The following CPN2 variants were observed in gnomAD, a reference collection of about 807,000 sequenced individuals.
The protein encoded by CPN2 is carboxypeptidase N 83 kDa chain.
For synonymous variants in CPN2, 336 were observed against 318.4 expected (o/e 1.06, Z -0.59); for missense variants, 620 against 671.4 (o/e 0.92, Z 0.85).
intron 1 of CPN2, 64 bp from the exon 2 acceptor site, chr3:194,342,769 G>T: frequency 1.3e-6 from 1 of 744,982 alleles, no homozygotes; most frequent in Non-Finnish European, 2.3e-6. Context: ...ATGGCACAGT[G>T]ACCAGGGCAC....
chr3:194,349,778 CTTTTTTTTTTTTTTTTTTTTTT>C (rs757478492), intron 1 of CPN2, among the ~76,000 whole-genome samples: 13 of 65,608 alleles, frequency 2.0e-4, no homozygotes, highest in South Asian at 1.6e-3. Context: ...CTACCCTCTT[CTTTTTTTTTTTTTTTTTTTTTT>C]TTTTTTTTTT....
rs1282956236 is a variant in CPN2 at position 194,342,138 on chromosome 3, A to T, written c.565T>A (p.Phe189Ile). 1 of 1,613,932 alleles carries T rather than the reference A, an allele frequency of 6.2e-7. No homozygotes were observed. The highest frequency in any genetic ancestry group is 1.3e-5 in the African/African-American group (1 of 74,896). ...GTCTGCAGGCTGGTGAGTGGGTGGA[A>T]CAGCTCCTCCGGGAGCTGGGCCAGG... Reference protein sequence around the residue: ...NLLAQLPEELFHPLTSLQTLK... With the variant: ...NLLAQLPEELIHPLTSLQTLK... Residue 189 changes from phenylalanine to isoleucine, a missense_variant, in exon 2 of 2, where the codon TTC becomes ATC. Coordinates refer to ENST00000323830, the MANE Select transcript of CPN2 (RefSeq NM_001080513.4).
At chr3:194,345,218 G>C (rs913184951) in intron 1 of CPN2, among the ~76,000 whole-genome samples, 1 of 143,362 alleles carries the variant, frequency 7.0e-6, no homozygotes, top group African/African-American at 2.7e-5. Flanking sequence ...GAGCAGTTTG[G>C]GAGGCAGAGC....
chr3:194,346,707 A>C (rs1306830131), intron 1 of CPN2, among the ~76,000 whole-genome samples: 1 of 152,162 alleles, frequency 6.6e-6, no homozygotes, highest in African/African-American at 2.4e-5. Context: ...GAATGAGAAA[A>C]CGCATGGAAA....
chr3:194,342,013 C>A lies in CPN2; in HGVS notation c.690G>T (p.Ser230=), dbSNP rs114433224. ...QELFLDSNNI[S]ELPPQVFSQL... is the part of the protein sequence containing the mutation. ...GGGAGAACACCTGAGGGGGCAGCTCCGAGATGTTGTTGCTGTCCAGGAAGA... is the reference window on the plus strand; with the variant it reads ...GGGAGAACACCTGAGGGGGCAGCTCAGAGATGTTGTTGCTGTCCAGGAAGA... Residue 230 remains serine, a synonymous_variant, in exon 2 of 2, where the codon TCG becomes TCT. Transcript: ENST00000323830. The A allele has an allele frequency of 2.5e-6, 4 of 1,614,174 alleles. No homozygotes were observed. Among genetic ancestry groups the A allele is most frequent in the Non-Finnish European group, 3.4e-6 (4 of 1,180,044 alleles).
At position 194,340,319 on chromosome 3, in the gene CPN2, T is replaced by TA. The variant is rs1325734936; in HGVS notation, c.*745dup. 6.6e-6 allele frequency: 1 copy of TA among 152,178 alleles called. No homozygotes were observed. The highest frequency in any genetic ancestry group is 1.5e-5 in the Non-Finnish European group (1 of 68,034). The allele number at this position is 152,178 out of a possible 1,614,324, so 9.4% of individuals were successfully genotyped here. A position where few individuals can be genotyped will look rare whatever the true frequency, so the allele number is the denominator to read the frequency against. On this transcript the variant is annotated 3_prime_UTR_variant, in exon 2 of 2. Transcript: ENST00000323830. ...GCAAGTTCAAGGTAGGGCAAGGAAA[T>TA]ATATTTGGGGGTTAAATATTTTTGC...
intron 1 of CPN2, among the ~76,000 whole-genome samples, chr3:194,344,428 G>A (rs955797190): frequency 2.6e-5 from 4 of 152,228 alleles, no homozygotes; most frequent in African/African-American, 9.6e-5. Context: ...CAGGCGCAGT[G>A]GCTCACGCCT....
chr3:194,349,081 T>C (rs549168750), intron 1 of CPN2, among the ~76,000 whole-genome samples: 1 of 151,746 alleles, frequency 6.6e-6, no homozygotes, highest in Admixed American at 6.6e-5. Context: ...TGTGGTGGGG[T>C]CTGGCACTGT....
At chr3:194,346,497 G>A (rs78200159) in intron 1 of CPN2, among the ~76,000 whole-genome samples, 2,719 of 152,246 alleles carry the variant, frequency 0.018, 84 homozygotes, top group African/African-American at 0.062. Context: ...ATTTCCAGAC[G>A]GTCCACTCTC....
intron 1 of CPN2, among the ~76,000 whole-genome samples, chr3:194,348,673 T>C (rs1009243629): frequency 6.6e-6 from 1 of 151,686 alleles, no homozygotes; most frequent in East Asian, 2.0e-4. Flanking sequence ...GGAGGATTGC[T>C]TGAGGCCAGG....
chr3:194,346,849 C>A (rs944168776), intron 1 of CPN2, among the ~76,000 whole-genome samples: 1 of 152,312 alleles, frequency 6.6e-6, no homozygotes, highest in East Asian at 1.9e-4. Context: ...TGAGATCATC[C>A]AACCACCCCA....
rs531712769 is a variant in CPN2 at position 194,341,394 on chromosome 3, C to T, written c.1309G>A (p.Ala437Thr). Residue 437 changes from alanine (A) to threonine (T), a missense_variant, in exon 2 of 2, where the codon GCC becomes ACC. Transcript: ENST00000323830. ...PAYLKGQVVP[A>T]LNEKQLVCPV... The stretch of plus-strand genomic sequence containing the variant: ...CACACCAGCTGCTTCTCATTCAAGG[C>T]GGGCACCACCTGGCCTTTGAGGTAG... 7.6e-5 allele frequency: 122 copies of T among 1,614,134 alleles called. 1 individual carries two copies. The South Asian group carries it at 1.1e-3, about 15-fold the overall frequency.
At position 194,340,186 on chromosome 3, in the gene CPN2, C is replaced by G. The variant is rs1393119440; in HGVS notation, c.*879G>C. 2 of 151,924 alleles carry G rather than the reference C, an allele frequency of 1.3e-5. No homozygotes were observed. Among genetic ancestry groups the G allele is most frequent in the African/African-American group, 4.8e-5 (2 of 41,336 alleles). 9.4% of individuals were successfully genotyped at this position (151,924 alleles called of 1,614,324 possible). The stretch of plus-strand genomic sequence containing the variant: ...GTTTCTTATCGACTTAAAAGGGGTG[C>G]CTGGCTCTTAGTTGATGATCTCCTG... On this transcript the variant is annotated 3_prime_UTR_variant, in exon 2 of 2. Transcript: ENST00000323830.
rs183919676 is a variant in CPN2, at chr3:194,341,456, C to T, written c.1247G>A (p.Arg416Gln). The T allele has an allele frequency of 4.5e-5, 72 of 1,614,168 alleles. No homozygotes were observed. The highest frequency in any genetic ancestry group is 3.3e-4 in the Middle Eastern group (2 of 6,062). ...GCAGTAGGTCTGGATGTTCAGGAGCCGATCGGTGTACTGCTGCAGCCAGTT... is the reference window on the plus strand; with the variant it reads ...GCAGTAGGTCTGGATGTTCAGGAGCTGATCGGTGTACTGCTGCAGCCAGTT... ...LFNWLQQYTD[R>Q]LLNIQTYCAG... Residue 416 changes from arginine (R) to glutamine (Q), a missense_variant, in exon 2 of 2, where the codon CGG becomes CAG. By Grantham distance (43) the Arg-to-Gln change is conservative (BLOSUM62 1). Transcript: ENST00000323830.
In CPN2 at chr3:194,341,970, T is replaced by C. The variant is rs1241142320; in HGVS notation, c.733A>G (p.Arg245Gly). 1.2e-6 allele frequency: 2 copies of C among 1,614,016 alleles called. No individual in the cohort carries two copies. Among genetic ancestry groups the C allele is most frequent in the Non-Finnish European group, 1.7e-6 (2 of 1,180,016 alleles). The change falls in exon 2 of 2, where the codon AGG becomes GGG. Residue 245 changes from arginine (R) to glycine (G), a missense_variant. Physicochemically the swap from Arg to Gly is moderately radical, Grantham distance 125. Coordinates refer to ENST00000323830, the MANE Select transcript of CPN2 (RefSeq NM_001080513.4). Reference sequence around the variant, plus strand: ...ATGGCGTTGCGTTGCAGCCACAGCCTCTCTAGGCAGAAGAGCTGGGAGAAC... The same window carrying C: ...ATGGCGTTGCGTTGCAGCCACAGCCCCTCTAGGCAGAAGAGCTGGGAGAAC... ...QVFSQLFCLERLWLQRNAITH... is the reference protein window; with the variant it reads ...QVFSQLFCLEGLWLQRNAITH...
In CPN2 at chr3:194,341,485, G is replaced by C. The variant is rs766349810; in HGVS notation, c.1218C>G (p.Leu406=). The C allele has an allele frequency of 5.0e-6, 8 of 1,614,116 alleles. No individual in the cohort carries two copies. The highest frequency in any genetic ancestry group is 5.9e-6 in the Non-Finnish European group (7 of 1,180,054). ...PWQCDCHLAY[L]FNWLQQYTDR... is the part of the protein sequence containing the mutation. ...CGGTGTACTGCTGCAGCCAGTTGAA[G>C]AGGTAGGCCAGGTGGCAGTCGCACT... Residue 406 remains leucine, a synonymous_variant, in exon 2 of 2, where the codon CTC becomes CTG. Coordinates refer to ENST00000323830, the MANE Select transcript of CPN2 (RefSeq NM_001080513.4).
At chr3:194,348,446 G>T (rs773944709) in intron 1 of CPN2, among the ~76,000 whole-genome samples, 1 of 152,140 alleles carries the variant, frequency 6.6e-6, no homozygotes, top group Non-Finnish European at 1.5e-5. Context: ...CCTCAGTCCC[G>T]GCATGGTTAG....
intron 1 of CPN2, among the ~76,000 whole-genome samples, chr3:194,344,085 G>A (rs1227898244): frequency 6.6e-6 from 1 of 152,104 alleles, no homozygotes; most frequent in African/African-American, 2.4e-5. Flanking sequence ...AGCGCTCCTC[G>A]CTGGCTGTCT....
intron 1 of CPN2, among the ~76,000 whole-genome samples, chr3:194,348,784 C>T (rs547459321): frequency 6.4e-4 from 97 of 152,036 alleles, no homozygotes; most frequent in East Asian, 1.9e-3. Context: ...CTCAACTACT[C>T]GAGAGGCTGA....
Sources: gnomAD v4.1 joint callset for allele counts (sites outside exome capture counted in the v4.1 genomes callset) on GRCh38, gnomAD v4.1.1 for gene constraint, MANE v1.5 for transcripts, NCBI Gene and HGNC (gene_info 2026-07-23, HGNC 2026-07-21) for gene names.